Variants in ZCWPW2 observed in about 807,000 individuals in gnomAD.
ZCWPW2 encodes the protein zinc finger CW-type and PWWP domain containing 2.
A neutral mutation model predicts 46.6 loss-of-function variants in ZCWPW2; 45 were observed. The ratio of observed to expected loss-of-function variants is 0.96; its 90% CI spans 0.76 to 1.24. The LOEUF (loss-of-function observed/expected upper bound fraction) is 1.24, where lower values mean the gene tolerates loss of function less well. Ranked by LOEUF, ZCWPW2 falls within the 50% of genes most tolerant of loss-of-function variation. The probability of loss-of-function intolerance (pLI) is 0.00; values close to 1 mark genes in which losing one functional copy is unlikely to be tolerated. For synonymous variants in ZCWPW2, 152 were observed against 137.1 expected, an observed-to-expected ratio of 1.11 and a Z score of -0.76; for missense variants, 429 against 403.9, an observed-to-expected ratio of 1.06 and a Z score of -0.53.
chr3:28,497,230 GATA>G (rs1700014500), intron 6 of ZCWPW2, among the ~76,000 whole-genome samples: 1 of 150,532 alleles, frequency 6.6e-6, no homozygotes, highest in African/African-American at 2.4e-5. Context: ...GTGAACCAGA[GATA>G]ATATTTATAT....
At chr3:28,366,223 G>A (rs969131089) in intron 1 of ZCWPW2, among the ~76,000 whole-genome samples, 2 of 131,814 alleles carry the variant, frequency 1.5e-5, no homozygotes, top group Non-Finnish European at 3.2e-5. Flanking sequence ...TCTTGTGCCA[G>A]TTTTCACAGG....
intron 1 of ZCWPW2, among the ~76,000 whole-genome samples, chr3:28,369,074 A>C (rs1422232890): frequency 6.6e-6 from 1 of 152,006 alleles, no homozygotes. Context: ...TTTTTTTTCA[A>C]GGTTTCTAAC....
intron 4 of ZCWPW2, among the ~76,000 whole-genome samples, chr3:28,460,499 A>G (rs933380425): frequency 1.3e-5 from 2 of 152,328 alleles, no homozygotes; most frequent in African/African-American, 2.4e-5. Flanking sequence ...TGAAGATTGT[A>G]TGAACCTATG....
intron 4 of ZCWPW2, among the ~76,000 whole-genome samples, chr3:28,464,863 A>G (rs565284204): frequency 1.3e-5 from 2 of 152,318 alleles, no homozygotes; most frequent in African/African-American, 4.8e-5. Context: ...CAGAAACATC[A>G]CAGGAACTGC....
intron 1 of ZCWPW2, among the ~76,000 whole-genome samples, chr3:28,373,552 T>A (rs1264141702): frequency 6.6e-6 from 1 of 152,024 alleles, no homozygotes; most frequent in African/African-American, 2.4e-5. Context: ...TCTGGCTCAC[T>A]GCAAGCTCTG....
At chr3:28,489,491 A>T (rs73823975) in intron 5 of ZCWPW2, among the ~76,000 whole-genome samples, 2,982 of 152,140 alleles carry the variant, frequency 0.02, 81 homozygotes, top group African/African-American at 0.066. Context: ...ATTATTACTC[A>T]TCAATTATTT....
At chr3:28,445,003 T>G (rs1697929157) in intron 4 of ZCWPW2, among the ~76,000 whole-genome samples, 1 of 151,988 alleles carries the variant, frequency 6.6e-6, no homozygotes, top group Non-Finnish European at 1.5e-5. Context: ...TCCTTAGCAT[T>G]CTGGGGTCTA....
At position 28,382,698 on chromosome 3, in the gene ZCWPW2, A is replaced by G. The variant is rs189561006; in HGVS notation, c.-133-7800A>G. Reference sequence around the variant, plus strand: ...ATAAAAGAGAAAAAAGGTACATATAATATTTAAGATACTGAGTCTTTGATA... The same window carrying G: ...ATAAAAGAGAAAAAAGGTACATATAGTATTTAAGATACTGAGTCTTTGATA... On this transcript the variant is annotated intron_variant, in intron 1 of 9. Transcript: ENST00000383768. 3.4e-3 allele frequency among the ~76,000 whole-genome samples: 512 copies of G among 152,292 alleles called. 2 individuals are homozygous for G. Among genetic ancestry groups the G allele is most frequent in the Non-Finnish European group, 6.0e-3 (408 of 68,012 alleles).
intron 1 of ZCWPW2, among the ~76,000 whole-genome samples, chr3:28,366,069 T>A (rs535958186): frequency 6.6e-6 from 1 of 152,090 alleles, no homozygotes; most frequent in African/African-American, 2.4e-5. Context: ...TTTCTAGATA[T>A]ACAATCATGT....
At position 28,420,404 on chromosome 3, in the gene ZCWPW2, C is replaced by T. The variant is rs781282572; in HGVS notation, c.332+7004C>T. Among the ~76,000 whole-genome samples the T allele has an allele frequency of 9.2e-5, 14 of 152,070 alleles. No individual in the cohort carries two copies. In the South Asian group the frequency reaches 2.1e-3, roughly 23 times the overall value. ...CCTTCATTTCATTATGTAATCACCC[C>T]GGTATTAAGCCTGGTATCCCTTGGT... On this transcript the variant is annotated intron_variant, in intron 3 of 9. Transcript: ENST00000383768.
At chr3:28,495,387 T>C (rs1699955014) in intron 6 of ZCWPW2, among the ~76,000 whole-genome samples, 1 of 152,154 alleles carries the variant, frequency 6.6e-6, no homozygotes, top group Non-Finnish European at 1.5e-5. Context: ...ATAGGTTTAT[T>C]TCAATCTTTG....
At chr3:28,460,252 C>CTTTTTT (rs75406240) in intron 4 of ZCWPW2, among the ~76,000 whole-genome samples, 5 of 125,428 alleles carry the variant, frequency 4.0e-5, no homozygotes, top group African/African-American at 1.5e-4. Flanking sequence ...CAGAGCTAGA[C>CTTTTTT]TTTTTTTTTT....
intron 8 of ZCWPW2, 105 bp from the exon 9 acceptor site, chr3:28,520,887 C>T: frequency 1.5e-6 from 2 of 1,337,286 alleles, no homozygotes; most frequent in Non-Finnish European, 2.1e-6. Flanking sequence ...TATATTTTAC[C>T]TTGTAGCATT....
At chr3:28,413,514 A>G (rs1313682352) in intron 3 of ZCWPW2, 114 bp downstream of exon 3, 2 of 927,776 alleles carry the variant, frequency 2.2e-6, no homozygotes, top group Non-Finnish European at 3.1e-6. Context: ...TTCTTGATTT[A>G]TCATTGCTCT....
In ZCWPW2 at chr3:28,440,946, G is replaced by A. The variant is rs1476810537; in HGVS notation, c.492+5677G>A. ...TCACCCCAAGGAATGGTGCCATATCGAAGACTCAGTGTTGGTCTCTGCTGC... is the reference window on the plus strand; with the variant it reads ...TCACCCCAAGGAATGGTGCCATATCAAAGACTCAGTGTTGGTCTCTGCTGC... On this transcript the variant is annotated intron_variant, in intron 4 of 9. Coordinates refer to ENST00000383768, the MANE Select transcript of ZCWPW2 (RefSeq NM_001040432.4). 5.9e-5 allele frequency among the ~76,000 whole-genome samples: 9 copies of A among 152,236 alleles called. No homozygotes were observed. In the East Asian group the frequency reaches 1.4e-3, roughly 23 times the overall value.
chr3:28,352,931 C>T (rs1005467894), intron 1 of ZCWPW2, among the ~76,000 whole-genome samples: 3 of 152,144 alleles, frequency 2.0e-5, no homozygotes, highest in South Asian at 4.2e-4. Flanking sequence ...TGCCTGTGAT[C>T]CCAGCACTTT....
intron 4 of ZCWPW2, among the ~76,000 whole-genome samples, chr3:28,474,618 T>TGTGTGTGTGC (rs1313615563): frequency 1.5e-4 from 22 of 146,552 alleles, no homozygotes; most frequent in Non-Finnish European, 3.3e-4. Context: ...TGTGTGTGTG[T>TGTGTGTGTGC]GTGCGCGCGC....
rs567498130 is a variant in ZCWPW2 at position 28,380,616 on chromosome 3, A to T, written c.-133-9882A>T. Among the ~76,000 whole-genome samples the T allele has an allele frequency of 2.9e-4, 44 of 152,208 alleles. No homozygotes were observed. The South Asian group carries it at 9.1e-3, about 32-fold the overall frequency. On this transcript the variant is annotated intron_variant, in intron 1 of 9. Coordinates refer to ENST00000383768, the MANE Select transcript of ZCWPW2 (RefSeq NM_001040432.4). ...TCTGTCTTCATTCCTGAAAATTCTAAGTAATGTCCAACACAATCAACCATT... is the reference window on the plus strand; with the variant it reads ...TCTGTCTTCATTCCTGAAAATTCTATGTAATGTCCAACACAATCAACCATT...
intron 3 of ZCWPW2, 142 bp downstream of exon 3, chr3:28,413,542 A>G (rs1696494596): frequency 1.4e-6 from 1 of 717,040 alleles, no homozygotes; most frequent in East Asian, 2.9e-5. Flanking sequence ...ACTTCTTTGG[A>G]TTTTTTTCTA....
Sources: allele counts gnomAD v4.1 joint callset (sites outside exome capture counted in the v4.1 genomes callset), GRCh38; gene constraint gnomAD v4.1.1; transcripts MANE v1.5; gene names NCBI Gene and HGNC (gene_info 2026-07-23, HGNC 2026-07-21).